Variants in STK32C observed in about 807,000 individuals in gnomAD.
STK32C encodes the protein serine/threonine kinase 32C.
In STK32C, 31 loss-of-function variants were observed where a neutral mutation model predicts 56.5. That is an observed-to-expected ratio of 0.55 (90% CI 0.41 to 0.74). The LOEUF (loss-of-function observed/expected upper bound fraction) is 0.74, where lower values mean the gene tolerates loss of function less well. STK32C is among the 30% of genes least tolerant of loss of function. The probability of loss-of-function intolerance (pLI) is 0.00; values close to 1 mark genes in which losing one functional copy is unlikely to be tolerated. For missense variants in STK32C, 544 were observed against 676.9 expected (o/e 0.80, Z 2.18); for synonymous variants, 309 against 289.4 (o/e 1.07, Z -0.69).
chr10:132,317,342 C>A (rs2066327442), intron 1 of STK32C, among the ~76,000 whole-genome samples: 1 of 152,180 alleles, frequency 6.6e-6, no homozygotes, highest in Admixed American at 6.5e-5. Context: ...AGAGTTATTA[C>A]ATGTGACACC....
chr10:132,331,856 G>A (rs577493247), upstream of STK32C: 189 of 1,408,210 alleles, frequency 1.3e-4, no homozygotes, highest in East Asian at 2.9e-3. Flanking sequence ...GGATGCTACC[G>A]TTGGCCGCGT....
intron 1 of STK32C, among the ~76,000 whole-genome samples, chr10:132,257,861 G>A (rs145203365): frequency 8.5e-5 from 13 of 152,176 alleles, no homozygotes; most frequent in Admixed American, 2.0e-4. Context: ...CAGGGCTCTC[G>A]AGCCTCCACT....
chr10:132,242,109 G>GAAAAAA (rs3068961), intron 2 of STK32C, among the ~76,000 whole-genome samples: 30,090 of 149,124 alleles, frequency 0.2, 3,454 homozygotes, highest in Non-Finnish European at 0.27. Context: ...GACCCTGACT[G>GAAAAAA]AAAAAATGCT....
At chr10:132,222,286 C>T (rs971744265) in intron 10 of STK32C, among the ~76,000 whole-genome samples, 4 of 147,702 alleles carry the variant, frequency 2.7e-5, no homozygotes, top group Middle Eastern at 3.4e-3. Context: ...ATGGCTGTCC[C>T]GGCACACATA....
At chr10:132,265,824 C>G (rs976121871) in intron 1 of STK32C, among the ~76,000 whole-genome samples, 1 of 152,156 alleles carries the variant, frequency 6.6e-6, no homozygotes, top group Non-Finnish European at 1.5e-5. Context: ...CCCCTCCATC[C>G]CCCCGGACAG....
At chr10:132,312,257 A>G (rs1017011919), upstream of STK32C, among the ~76,000 whole-genome samples, 1 of 151,778 alleles carries the variant, frequency 6.6e-6, no homozygotes, top group Non-Finnish European at 1.5e-5. Context: ...AATCCACCCC[A>G]CTCAGCCTCC....
chr10:132,295,789 A>G (rs2065726787), intron 1 of STK32C, among the ~76,000 whole-genome samples: 1 of 152,092 alleles, frequency 6.6e-6, no homozygotes, highest in Non-Finnish European at 1.5e-5. Context: ...GAGGCTGAGG[A>G]AAAAGAATCG....
intron 10 of STK32C, among the ~76,000 whole-genome samples, chr10:132,220,551 A>G (rs2062605261): frequency 6.6e-6 from 1 of 152,242 alleles, no homozygotes; most frequent in Admixed American, 6.5e-5. Flanking sequence ...TCAAAAGAGG[A>G]CTAAAGTCAC....
At chr10:132,268,954 A>G (rs1279528469) in intron 1 of STK32C, among the ~76,000 whole-genome samples, 1 of 97,676 alleles carries the variant, frequency 1.0e-5, no homozygotes, top group Non-Finnish European at 2.0e-5. Flanking sequence ...CATGTCTCAC[A>G]TCGTGTGTGT....
At chr10:132,260,786 G>A (rs984671439) in intron 1 of STK32C, among the ~76,000 whole-genome samples, 4 of 152,252 alleles carry the variant, frequency 2.6e-5, no homozygotes, top group African/African-American at 9.6e-5. Context: ...AGGGAGAGGG[G>A]CGAGACAGGG....
intron 1 of STK32C, among the ~76,000 whole-genome samples, chr10:132,276,587 GC>G (rs1276195170): frequency 6.6e-6 from 1 of 151,610 alleles, no homozygotes; most frequent in East Asian, 1.9e-4. Flanking sequence ...TGTGAGACCA[GC>G]CTGGATAACA....
chr10:132,227,106 C>G (rs2062917790), intron 3 of STK32C, 138 bp from the exon 4 acceptor site: 3 of 996,154 alleles, frequency 3.0e-6, no homozygotes, highest in Non-Finnish European at 4.5e-6. Flanking sequence ...GAGGAGGGGC[C>G]TGCCCAAGGC....
At chr10:132,232,998 C>T (rs1386069275) in intron 2 of STK32C, among the ~76,000 whole-genome samples, 1 of 152,200 alleles carries the variant, frequency 6.6e-6, no homozygotes, top group Non-Finnish European at 1.5e-5. Flanking sequence ...CCACAAGTAC[C>T]TAAGGCCTCT....
chr10:132,266,624 C>T (rs1478448720), intron 1 of STK32C, among the ~76,000 whole-genome samples: 1 of 152,072 alleles, frequency 6.6e-6, no homozygotes, highest in Non-Finnish European at 1.5e-5. Flanking sequence ...CGCCAAGGAG[C>T]CCTCAATTTG....
chr10:132,249,353 G>A (rs1219378173), intron 1 of STK32C, among the ~76,000 whole-genome samples: 2 of 152,160 alleles, frequency 1.3e-5, no homozygotes, highest in Admixed American at 1.3e-4. Context: ...GACACCAAGG[G>A]ACACCAAGTC....
intron 1 of STK32C, among the ~76,000 whole-genome samples, chr10:132,286,956 T>C (rs1262352446): frequency 1.3e-5 from 2 of 152,214 alleles, no homozygotes; most frequent in Non-Finnish European, 2.9e-5. Context: ...GCAAATGATT[T>C]GAGAAACCCT....
intron 2 of STK32C, among the ~76,000 whole-genome samples, chr10:132,242,874 G>C (rs1401725429): frequency 6.6e-6 from 1 of 152,244 alleles, no homozygotes; most frequent in African/African-American, 2.4e-5. Context: ...GGCACGTTTG[G>C]TTTGGGAAAC....
chr10:132,235,327 C>G (rs550258641), intron 2 of STK32C, among the ~76,000 whole-genome samples: 1 of 152,026 alleles, frequency 6.6e-6, no homozygotes, highest in Admixed American at 6.5e-5. Context: ...AAAACCCCGT[C>G]TCTACTAAAA....
At chr10:132,266,137 A>G (rs1458051607) in intron 1 of STK32C, among the ~76,000 whole-genome samples, 2 of 152,234 alleles carry the variant, frequency 1.3e-5, no homozygotes, top group Non-Finnish European at 2.9e-5. Context: ...ATGGAATACC[A>G]CTAGGGGACT....
Sources: gnomAD v4.1 joint callset for allele counts (sites outside exome capture counted in the v4.1 genomes callset) on GRCh38, gnomAD v4.1.1 for gene constraint, MANE v1.5 for transcripts, NCBI Gene and HGNC (gene_info 2026-07-23, HGNC 2026-07-21) for gene names.